FMN1: variants seen among roughly 807,000 people sequenced by gnomAD.
The protein encoded by FMN1 is formin 1, also known as formin-1.
Under a neutral mutation model 132.4 loss-of-function variants are expected in FMN1, and 110 were observed. The observed-to-expected ratio is 0.83, with a 90% CI of 0.71 to 0.97. The LOEUF (loss-of-function observed/expected upper bound fraction) is 0.97. Among genes scored for constraint, FMN1 ranks in the 50% least tolerant of loss-of-function variants. The pLI, the probability that FMN1 is intolerant of heterozygous loss-of-function variation, is 0.00. For missense variants in FMN1, 1,792 were observed against 1,705.3 expected (o/e 1.05, Z -0.90); for synonymous variants, 722 against 651.7 (o/e 1.11, Z -1.64).
chr15:32,924,456 C>T (rs1425319961), intron 10 of FMN1, among the ~76,000 whole-genome samples: 3 of 152,158 alleles, frequency 2.0e-5, no homozygotes, highest in Non-Finnish European at 4.4e-5. Context: ...AGGTCAGGAC[C>T]TATGGGTATT....
chr15:33,133,367 T>C (rs555456068), intron 4 of FMN1, among the ~76,000 whole-genome samples: 54 of 152,322 alleles, frequency 3.5e-4, no homozygotes, highest in African/African-American at 1.2e-3. Flanking sequence ...ATCAGTCTTC[T>C]GGTCTCTAAG....
intron 5 of FMN1, among the ~76,000 whole-genome samples, chr15:33,084,672 C>T (rs2038620123): frequency 1.3e-5 from 2 of 152,096 alleles, no homozygotes; most frequent in Non-Finnish European, 2.9e-5. Context: ...TAAATAGATG[C>T]CCCCAGAGTC....
chr15:32,770,039 A>G lies in FMN1; in HGVS notation c.*4271T>C, dbSNP rs941495808. 4 of 152,154 alleles carry G rather than the reference A, an allele frequency of 2.6e-5. No individual in the cohort carries two copies. The highest frequency in any genetic ancestry group is 7.2e-5 in the African/African-American group (3 of 41,434). The allele number at this position is 152,154 out of a possible 1,614,324, so 9.4% of individuals were successfully genotyped here. On this transcript the variant is annotated 3_prime_UTR_variant, in exon 21 of 21. Transcript: ENST00000616417. Reference sequence around the variant, plus strand: ...ATCAGATATTTAATATTTGGATCAGATATGTGGGAGGGGGGAAGGCTATAT... The same window carrying G: ...ATCAGATATTTAATATTTGGATCAGGTATGTGGGAGGGGGGAAGGCTATAT...
intron 6 of FMN1, among the ~76,000 whole-genome samples, chr15:33,043,734 G>A (rs61999965): frequency 0.18 from 27,703 of 152,190 alleles, 2,712 homozygotes; most frequent in Middle Eastern, 0.24. Flanking sequence ...CATGGCCAGG[G>A]CTACATGCTC....
At chr15:32,884,162 G>T (rs2059839492) in intron 16 of FMN1, among the ~76,000 whole-genome samples, 1 of 152,120 alleles carries the variant, frequency 6.6e-6, no homozygotes, top group South Asian at 2.1e-4. Context: ...ACAAACTTAG[G>T]AGGCTTAAAA....
chr15:33,035,415 G>T (rs2141089808), intron 6 of FMN1, among the ~76,000 whole-genome samples: 1 of 152,214 alleles, frequency 6.6e-6, no homozygotes, highest in East Asian at 1.9e-4. Flanking sequence ...ATGCCTTAGA[G>T]GTCCTTAGAT....
chr15:33,061,959 G>A (rs2037504740), intron 6 of FMN1, among the ~76,000 whole-genome samples: 1 of 152,062 alleles, frequency 6.6e-6, no homozygotes, highest in African/African-American at 2.4e-5. Context: ...TTAGATCAGA[G>A]AAAGTCTTTT....
chr15:32,910,384 C>A, intron 11 of FMN1, 90 bp downstream of exon 11: 1 of 1,080,560 alleles, frequency 9.3e-7, no homozygotes, highest in South Asian at 1.4e-5. Context: ...ACGTCAAAAC[C>A]CTTACTACCA....
rs1341617129 is a variant in FMN1, at chr15:32,821,686, A to G, written c.3929-17354T>C. ...AGGCTGTTCTTGAACTCCTGACCTCATGATCCACCTGCCTCAGCCTCCCAA... is the reference window on the plus strand; with the variant it reads ...AGGCTGTTCTTGAACTCCTGACCTCGTGATCCACCTGCCTCAGCCTCCCAA... On this transcript the variant is annotated intron_variant, in intron 17 of 20. Transcript: ENST00000616417. Among the ~76,000 whole-genome samples, 5 of 152,028 alleles carry G rather than the reference A, an allele frequency of 3.3e-5. No individual in the cohort carries two copies. The East Asian group carries it at 7.8e-4, about 24-fold the overall frequency.
At chr15:32,777,806 TAATAC>T (rs1174399528) in intron 19 of FMN1, among the ~76,000 whole-genome samples, 4 of 118,034 alleles carry the variant, frequency 3.4e-5, no homozygotes, top group Middle Eastern at 0.01. Flanking sequence ...ATGTATAATA[TAATAC>T]ATTTATTTAT....
intron 6 of FMN1, among the ~76,000 whole-genome samples, chr15:33,028,345 A>G (rs886747700): frequency 2.0e-5 from 3 of 152,146 alleles, no homozygotes; most frequent in Non-Finnish European, 2.9e-5. Flanking sequence ...TCTCACTCCA[A>G]GCTCTCTGCT....
chr15:32,907,935 GA>G lies in FMN1; in HGVS notation c.3377+554del, dbSNP rs142740203. ...GAGTTCTGGGTCTTCAAAGCCTATG[GA>G]ACGGCATCACAAACAACAGAGCAAG... On this transcript the variant is annotated intron_variant, in intron 12 of 20. Transcript: ENST00000616417. 1.6e-4 allele frequency among the ~76,000 whole-genome samples: 24 copies of G among 152,156 alleles called. No homozygotes were observed. The East Asian group carries it at 3.5e-3, about 22-fold the overall frequency.
intron 16 of FMN1, among the ~76,000 whole-genome samples, chr15:32,862,502 G>T (rs1026975621): frequency 6.6e-6 from 1 of 152,150 alleles, no homozygotes; most frequent in Non-Finnish European, 1.5e-5. Flanking sequence ...TTAAACACTG[G>T]TGGAGTATTT....
At chr15:33,175,485 C>T (rs1965484124) in intron 3 of FMN1, among the ~76,000 whole-genome samples, 1 of 152,216 alleles carries the variant, frequency 6.6e-6, no homozygotes, top group African/African-American at 2.4e-5. Flanking sequence ...GTTTTACCAT[C>T]TATTTTCTTC....
In FMN1 at chr15:32,910,076, A is replaced by G. The variant is rs144739118; in HGVS notation, c.3288+398T>C. 2.6e-5 allele frequency among the ~76,000 whole-genome samples: 4 copies of G among 152,294 alleles called. No individual in the cohort carries two copies. The East Asian group carries it at 7.7e-4, about 29-fold the overall frequency. ...TACACACCTTCCCACATTCAATATC[A>G]TCAACTCATTTGGACTAAGAGTAAT... is the stretch of plus-strand genomic sequence containing the variant. On this transcript the variant is annotated intron_variant, in intron 11 of 20. Transcript: ENST00000616417.
chr15:33,042,314 A>C (rs1177190899), intron 6 of FMN1, among the ~76,000 whole-genome samples: 2 of 152,186 alleles, frequency 1.3e-5, no homozygotes, highest in African/African-American at 4.8e-5. Context: ...AGGTTTCCTT[A>C]TATTGATCTA....
intron 2 of FMN1, among the ~76,000 whole-genome samples, chr15:33,190,202 C>G (rs1044200112): frequency 1.3e-5 from 2 of 152,134 alleles, no homozygotes; most frequent in African/African-American, 4.8e-5. Flanking sequence ...AGCAAAAAAC[C>G]TGCTCTTTAA....
At chr15:33,082,882 A>T (rs1209841996) in intron 5 of FMN1, among the ~76,000 whole-genome samples, 1 of 151,016 alleles carries the variant, frequency 6.6e-6, no homozygotes, top group African/African-American at 2.5e-5. Context: ...TTTTAGATTA[A>T]AAAAAACCAA....
At chr15:33,167,987 A>C (rs1489585378) in intron 3 of FMN1, among the ~76,000 whole-genome samples, 1 of 152,188 alleles carries the variant, frequency 6.6e-6, no homozygotes, top group African/African-American at 2.4e-5. Context: ...TATTGAAAAA[A>C]ATTCACGTAA....
Sources: gnomAD v4.1 joint callset for allele counts (sites outside exome capture counted in the v4.1 genomes callset) on GRCh38, gnomAD v4.1.1 for gene constraint, MANE v1.5 for transcripts, NCBI Gene and HGNC (gene_info 2026-07-23, HGNC 2026-07-21) for gene names.